VMP1: variants seen among roughly 807,000 people sequenced by gnomAD.
The protein encoded by VMP1 is ectopic P-granules autophagy protein 3 homolog.
VMP1 carries 11 observed loss-of-function variants against 56.0 expected under a neutral mutation model. That is an observed-to-expected ratio of 0.20 (90% CI 0.12 to 0.32). The LOEUF (loss-of-function observed/expected upper bound fraction) is 0.32, where lower values mean the gene tolerates loss of function less well. Among genes scored for constraint, VMP1 ranks in the 10% least tolerant of loss-of-function variants. The probability of loss-of-function intolerance (pLI) is 1.00; values close to 1 mark genes in which losing one functional copy is unlikely to be tolerated. For synonymous variants in VMP1, 149 were observed against 165.0 expected, an observed-to-expected ratio of 0.90 and a Z score of 0.74; for missense variants, 296 against 490.3, an observed-to-expected ratio of 0.60 and a Z score of 3.74.
chr17:59,803,084 C>T lies in VMP1; in HGVS notation c.715-5712C>T, dbSNP rs114136478. On this transcript the variant is annotated intron_variant, in intron 7 of 11. Transcript: ENST00000262291. ...AAGAGATCTTTTCATATGGCTTCCTCGTGAAAATGAAAATGTTTACTGTTA... is the reference window on the plus strand; with the variant it reads ...AAGAGATCTTTTCATATGGCTTCCTTGTGAAAATGAAAATGTTTACTGTTA... Among the ~76,000 whole-genome samples the T allele has an allele frequency of 1.9e-3, 290 of 152,194 alleles. 2 individuals carry two copies. Among genetic ancestry groups the T allele is most frequent in the African/African-American group, 6.6e-3 (276 of 41,544 alleles).
At chr17:59,720,850 G>C (rs896919657) in intron 1 of VMP1, among the ~76,000 whole-genome samples, 5 of 152,032 alleles carry the variant, frequency 3.3e-5, no homozygotes, top group Non-Finnish European at 7.3e-5. Context: ...GCAGACGCTT[G>C]TAATCCCAGC....
intron 6 of VMP1, among the ~76,000 whole-genome samples, chr17:59,768,649 T>C (rs146758982): frequency 3.5e-3 from 529 of 151,806 alleles, no homozygotes; most frequent in African/African-American, 0.012. Flanking sequence ...AATATCCACA[T>C]GCAAAAGAAT....
chr17:59,817,863 A>T (rs1272106578), intron 10 of VMP1, 90 bp downstream of exon 10: 1 of 1,040,252 alleles, frequency 9.6e-7, no homozygotes, highest in Non-Finnish European at 1.4e-6. Flanking sequence ...AGAATTTTTG[A>T]CATAGTTCTT....
intron 10 of VMP1, among the ~76,000 whole-genome samples, chr17:59,826,979 G>A (rs2038663446): frequency 6.6e-6 from 1 of 152,210 alleles, no homozygotes; most frequent in African/African-American, 2.4e-5. Context: ...GCATCCACCT[G>A]TGTGCAGCTG....
rs1048492192 is a variant in VMP1, at chr17:59,765,031, G to A, written c.475G>A (p.Glu159Lys). The A allele has an allele frequency of 3.1e-6, 5 of 1,613,378 alleles. No individual in the cohort carries two copies. The highest frequency in any genetic ancestry group is 2.2e-5 in the East Asian group (1 of 44,802). ...TGAATGCAATTCAGTTAATTTTCCC[G>A]AACCACCCTATCCTGATCAGATTAT... ...AYECNSVNFP[E>K]PPYPDQIICP... Residue 159 changes from glutamate (E) to lysine (K), a missense_variant, in exon 6 of 12, where the codon GAA becomes AAA. By Grantham distance (56) the Glu-to-Lys change is moderately conservative (BLOSUM62 1). Around this residue, in one of 4 missense-constraint regions of VMP1, gnomAD observed 126 missense variants for 231.6 expected, o/e 0.54. Transcript: ENST00000262291.
intron 2 of VMP1, among the ~76,000 whole-genome samples, chr17:59,733,041 C>T (rs1382713254): frequency 3.9e-5 from 6 of 152,070 alleles, no homozygotes; most frequent in Admixed American, 1.3e-4. Flanking sequence ...TGATCGTATG[C>T]GCCTGTAGTT....
At chr17:59,756,598 G>A (rs997424051) in intron 5 of VMP1, among the ~76,000 whole-genome samples, 1 of 152,198 alleles carries the variant, frequency 6.6e-6, no homozygotes, top group Non-Finnish European at 1.5e-5. Context: ...CTTTAGGAAT[G>A]TTTTATCAGT....
chr17:59,724,438 T>C (rs560354615), intron 1 of VMP1, among the ~76,000 whole-genome samples: 2 of 152,200 alleles, frequency 1.3e-5, no homozygotes, highest in African/African-American at 4.8e-5. Flanking sequence ...CCCAGTACTT[T>C]GGGAGGCTGA....
chr17:59,751,084 C>G (rs1009482455), intron 5 of VMP1, among the ~76,000 whole-genome samples: 1 of 151,976 alleles, frequency 6.6e-6, no homozygotes. Context: ...AGGCGCCCAC[C>G]ACCATGCCTG....
At chr17:59,797,551 C>G (rs777722056) in intron 7 of VMP1, among the ~76,000 whole-genome samples, 16 of 152,072 alleles carry the variant, frequency 1.1e-4, no homozygotes, top group Non-Finnish European at 2.2e-4. Flanking sequence ...AGAAGCCAGA[C>G]ATAAAAGAGG....
At chr17:59,825,910 A>G (rs749621001) in intron 10 of VMP1, among the ~76,000 whole-genome samples, 3 of 152,250 alleles carry the variant, frequency 2.0e-5, no homozygotes, top group Non-Finnish European at 4.4e-5. Context: ...AGAATGAGCT[A>G]CGTGGGCCTG....
chr17:59,735,205 A>AT, intron 2 of VMP1, 133 bp from the exon 3 acceptor site: 4 of 1,245,900 alleles, frequency 3.2e-6, no homozygotes, highest in Non-Finnish European at 4.3e-6. Flanking sequence ...ACTAGTTGCC[A>AT]TTTTTCACAA....
chr17:59,761,881 C>T (rs2036066315), intron 5 of VMP1, among the ~76,000 whole-genome samples: 1 of 152,186 alleles, frequency 6.6e-6, no homozygotes, highest in Non-Finnish European at 1.5e-5. Flanking sequence ...ACTGCCTCAG[C>T]CTTCTTGAAT....
intron 10 of VMP1, among the ~76,000 whole-genome samples, chr17:59,823,752 A>G (rs534924926): frequency 6.7e-6 from 1 of 149,974 alleles, no homozygotes; most frequent in East Asian, 2.0e-4. Context: ...CTCTGCCTCA[A>G]AAAAAAAAAA....
chr17:59,819,923 C>T (rs2067142447), intron 10 of VMP1, among the ~76,000 whole-genome samples: 2 of 152,166 alleles, frequency 1.3e-5, no homozygotes, highest in African/African-American at 4.8e-5. Context: ...ACCATGAGTA[C>T]CTTCTGTTTC....
intron 5 of VMP1, 72 bp from the exon 6 acceptor site, chr17:59,764,899 T>C (rs2036178546): frequency 8.7e-7 from 1 of 1,154,594 alleles, no homozygotes; most frequent in Non-Finnish European, 1.1e-6. Context: ...GTAATTAATA[T>C]ATTTTTAAAA....
chr17:59,820,914 C>T (rs1239117345), intron 10 of VMP1, among the ~76,000 whole-genome samples: 2 of 151,224 alleles, frequency 1.3e-5, no homozygotes, highest in African/African-American at 4.9e-5. Context: ...ATAGAAATGC[C>T]TTTAAGCTTA....
At chr17:59,759,903 GT>G (rs58618508) in intron 5 of VMP1, among the ~76,000 whole-genome samples, 34,124 of 97,778 alleles carry the variant, frequency 0.35, 4,988 homozygotes, top group East Asian at 0.54. Flanking sequence ...GTTTTTTGGT[GT>G]TTTTTTTTTT....
intron 5 of VMP1, among the ~76,000 whole-genome samples, chr17:59,740,228 C>G (rs2035178746): frequency 6.6e-6 from 1 of 152,142 alleles, no homozygotes; most frequent in African/African-American, 2.4e-5. Context: ...TAGGCACTCT[C>G]AGGGTCATGC....
Sources: allele counts gnomAD v4.1 joint callset (sites outside exome capture counted in the v4.1 genomes callset), GRCh38; gene constraint gnomAD v4.1.1; regional missense constraint gnomAD v4.1.1; transcripts MANE v1.5; gene names NCBI Gene and HGNC (gene_info 2026-07-23, HGNC 2026-07-21).